Variants in CADPS2 observed in about 807,000 individuals in gnomAD.
The protein encoded by CADPS2 is calcium-dependent secretion activator 2.
CADPS2 carries 93 observed loss-of-function variants against 172.5 expected under a neutral mutation model. The ratio of observed to expected loss-of-function variants is 0.54; its 90% CI spans 0.46 to 0.64. CADPS2 has a LOEUF of 0.64. CADPS2 is among the 30% of genes least tolerant of loss of function. The pLI is 0.00. For synonymous variants in CADPS2, 546 were observed against 555.2 expected (o/e 0.98, Z 0.23); for missense variants, 1,420 against 1,565.9 (o/e 0.91, Z 1.57).
intron 1 of CADPS2, among the ~76,000 whole-genome samples, chr7:122,775,513 T>C (rs1021655070): frequency 1.3e-5 from 2 of 152,206 alleles, no homozygotes; most frequent in Admixed American, 6.5e-5. Context: ...CTAGCAAATC[T>C]ACCCAAACTT....
At chr7:122,491,271 C>A in intron 10 of CADPS2, 41 bp downstream of exon 10, 5 of 1,239,606 alleles carry the variant, frequency 4.0e-6, no homozygotes, top group Non-Finnish European at 5.8e-6. Flanking sequence ...GAATTCCATG[C>A]ATACATACAT....
chr7:122,657,112 T>C (rs962956285), intron 3 of CADPS2, among the ~76,000 whole-genome samples: 2 of 152,192 alleles, frequency 1.3e-5, no homozygotes, highest in African/African-American at 4.8e-5. Context: ...AAAGATCAGA[T>C]GGTTGTTTAT....
chr7:122,663,918 C>T (rs995471013), intron 2 of CADPS2, among the ~76,000 whole-genome samples: 1 of 152,134 alleles, frequency 6.6e-6, no homozygotes, highest in Non-Finnish European at 1.5e-5. Context: ...CTCTCTCATG[C>T]CTTCCACCAC....
intron 7 of CADPS2, among the ~76,000 whole-genome samples, chr7:122,562,879 G>GAA (rs1240389235): frequency 6.6e-6 from 1 of 151,936 alleles, no homozygotes; most frequent in Non-Finnish European, 1.5e-5. Context: ...ACAATAAACT[G>GAA]AAAAATTTTT....
intron 9 of CADPS2, among the ~76,000 whole-genome samples, chr7:122,496,405 C>T (rs1007964891): frequency 1.3e-5 from 2 of 152,156 alleles, no homozygotes; most frequent in Admixed American, 6.6e-5. Flanking sequence ...TCCAGTAATC[C>T]ACCTGCCTTG....
At chr7:122,766,683 T>C (rs1272304892) in intron 1 of CADPS2, among the ~76,000 whole-genome samples, 2 of 152,134 alleles carry the variant, frequency 1.3e-5, no homozygotes. Flanking sequence ...AGTGTAAAAG[T>C]AAAGCTCAAG....
At chr7:122,425,161 T>G (rs1487047725) in intron 17 of CADPS2, among the ~76,000 whole-genome samples, 1 of 151,940 alleles carries the variant, frequency 6.6e-6, no homozygotes, top group Non-Finnish European at 1.5e-5. Context: ...AGTTTCTTTT[T>G]ATACAGACGG....
At chr7:122,371,008 T>G (rs571127128) in intron 25 of CADPS2, among the ~76,000 whole-genome samples, 1 of 152,154 alleles carries the variant, frequency 6.6e-6, no homozygotes. Flanking sequence ...ACAGGTTAAG[T>G]GTAGGAACAC....
chr7:122,833,830 C>T (rs1353097372), intron 1 of CADPS2, among the ~76,000 whole-genome samples: 1 of 152,170 alleles, frequency 6.6e-6, no homozygotes, highest in African/African-American at 2.4e-5. Flanking sequence ...TTAAAAAATT[C>T]ACCTCAATAG....
chr7:122,413,853 T>C (rs548985912), intron 19 of CADPS2, among the ~76,000 whole-genome samples: 6 of 152,204 alleles, frequency 3.9e-5, no homozygotes, highest in Non-Finnish European at 8.8e-5. Context: ...TTTACTTAGA[T>C]GGCCATCAGT....
chr7:122,869,682 C>T (rs984793417), intron 1 of CADPS2, among the ~76,000 whole-genome samples: 1 of 152,024 alleles, frequency 6.6e-6, no homozygotes, highest in African/African-American at 2.4e-5. Context: ...ACAGAACACA[C>T]TTATACTGTA....
chr7:122,454,758 C>G (rs944447349), intron 14 of CADPS2, among the ~76,000 whole-genome samples: 1 of 152,110 alleles, frequency 6.6e-6, no homozygotes, highest in Non-Finnish European at 1.5e-5. Flanking sequence ...TCAGAGTATT[C>G]GAGATTTAAA....
intron 1 of CADPS2, among the ~76,000 whole-genome samples, chr7:122,737,746 A>C (rs182195021): frequency 6.6e-6 from 1 of 152,298 alleles, no homozygotes; most frequent in African/African-American, 2.4e-5. Context: ...ACTAATAGTT[A>C]ATATTAATAA....
chr7:122,455,515 T>C (rs1446211204), intron 14 of CADPS2, among the ~76,000 whole-genome samples: 1 of 152,052 alleles, frequency 6.6e-6, no homozygotes, highest in Non-Finnish European at 1.5e-5. Flanking sequence ...TCCTTTGTAA[T>C]GTATCTCTAG....
chr7:122,768,837 A>G (rs1343130871), intron 1 of CADPS2, among the ~76,000 whole-genome samples: 5 of 152,190 alleles, frequency 3.3e-5, no homozygotes, highest in Admixed American at 3.3e-4. Flanking sequence ...TGGAAGATAT[A>G]TTTTATGCTA....
chr7:122,471,448 T>G lies in CADPS2; in HGVS notation c.2113A>C (p.Asn705His). ...AGGGTAGGGTCAATGACAGCACCAT[T>G]TTCTGAATGTTCCATCAGTTCTGCA... ...YLAELMEHSE[N>H]GAVIDPTLLH... The change falls in exon 14 of 30, where the codon AAT (asparagine) becomes CAT (histidine). Residue 705 changes from asparagine to histidine, a missense_variant. Physicochemically the swap from Asn to His is moderately conservative, Grantham distance 68 (BLOSUM62 1). Coordinates refer to ENST00000449022, the MANE Select transcript of CADPS2 (RefSeq NM_017954.11). 1.9e-6 allele frequency: 3 copies of G among 1,613,532 alleles called. No individual in the cohort carries two copies. The highest frequency in any genetic ancestry group is 2.5e-6 in the Non-Finnish European group (3 of 1,179,710).
chr7:122,860,356 A>C (rs1816616164), intron 1 of CADPS2, among the ~76,000 whole-genome samples: 1 of 152,036 alleles, frequency 6.6e-6, no homozygotes, highest in African/African-American at 2.4e-5. Context: ...TTTTCCAATT[A>C]GCTGGGTCTA....
intron 10 of CADPS2, 45 bp downstream of exon 10, chr7:122,491,267 C>T (rs767734093): frequency 6.7e-5 from 82 of 1,227,568 alleles, no homozygotes; most frequent in Non-Finnish European, 9.3e-5. Flanking sequence ...ATAAGAATTC[C>T]ATGCATACAT....
intron 1 of CADPS2, among the ~76,000 whole-genome samples, chr7:122,810,514 A>C (rs2140148527): frequency 6.6e-6 from 1 of 152,320 alleles, no homozygotes; most frequent in East Asian, 1.9e-4. Flanking sequence ...CTTTAAAGTA[A>C]AAAGAATCAC....
Sources: gnomAD v4.1 joint callset for allele counts (sites outside exome capture counted in the v4.1 genomes callset) on GRCh38, gnomAD v4.1.1 for gene constraint, MANE v1.5 for transcripts, NCBI Gene and HGNC (gene_info 2026-07-23, HGNC 2026-07-21) for gene names.